The following CLYBL variants were observed in gnomAD, a reference collection of about 807,000 sequenced individuals.
CLYBL encodes citramalyl-CoA lyase.
In CLYBL, 31 loss-of-function variants were observed where a neutral mutation model predicts 38.9. The ratio of observed to expected loss-of-function variants is 0.80; its 90% confidence interval spans 0.60 to 1.08. The LOEUF is 1.08. CLYBL is among the 50% of genes least tolerant of loss of function. The pLI is 0.00. For missense variants in CLYBL, 434 were observed against 411.6 expected (o/e 1.05, Z -0.47); for synonymous variants, 171 against 158.6 (o/e 1.08, Z -0.59).
Position 99,772,817 on chromosome 13 carries a change from C to T in CLYBL, c.63-7C>T. On this transcript the variant is annotated splice_region_variant and splice_polypyrimidine_tract_variant and intron_variant, in intron 1 of 8. Transcript: ENST00000339105. The stretch of plus-strand genomic sequence containing the variant: ...TTCTGGACTAACCCCAATCACGTGT[C>T]TTGCAGGAAAGCGTCTCTAGCAGCT... 1.9e-6 allele frequency: 3 copies of T among 1,583,020 alleles called. No homozygotes were observed. The highest frequency in any genetic ancestry group is 1.7e-6 in the Non-Finnish European group (2 of 1,170,920).
chr13:99,731,300 G>T (rs1329101336), intron 1 of CLYBL, among the ~76,000 whole-genome samples: 3 of 150,184 alleles, frequency 2.0e-5, no homozygotes, highest in Non-Finnish European at 3.0e-5. Flanking sequence ...ACAAAGTCTA[G>T]TTGCAGAATA....
intron 1 of CLYBL, among the ~76,000 whole-genome samples, chr13:99,725,139 G>A (rs2048451682): frequency 2.6e-5 from 4 of 152,176 alleles, no homozygotes; most frequent in Admixed American, 2.6e-4. Flanking sequence ...TCTAAGCCTT[G>A]ACAAGCAGGG....
At chr13:99,879,609 T>C (rs890173554) in intron 7 of CLYBL, among the ~76,000 whole-genome samples, 2 of 152,238 alleles carry the variant, frequency 1.3e-5, no homozygotes, top group South Asian at 2.1e-4. Context: ...CTGAGTCTAG[T>C]TTCTTAAGGA....
chr13:99,645,869 C>T (rs1350842601), intron 1 of CLYBL, among the ~76,000 whole-genome samples: 3 of 152,142 alleles, frequency 2.0e-5, no homozygotes, highest in East Asian at 3.9e-4. Flanking sequence ...TTGCTTCGGT[C>T]GCCTGTGCTT....
intron 1 of CLYBL, among the ~76,000 whole-genome samples, chr13:99,714,573 C>T (rs867956453): frequency 1.2e-4 from 18 of 151,706 alleles, no homozygotes; most frequent in African/African-American, 3.6e-4. Context: ...GTGGAGACTG[C>T]GCCACTGCAC....
chr13:99,659,178 C>G (rs1418657667), intron 1 of CLYBL, among the ~76,000 whole-genome samples: 2 of 151,864 alleles, frequency 1.3e-5, no homozygotes, highest in African/African-American at 4.8e-5. Context: ...ATTAGTATTC[C>G]TCTTCTAAAT....
chr13:99,880,636 C>T lies in CLYBL; in HGVS notation c.927+9574C>T, dbSNP rs907080590. Among the ~76,000 whole-genome samples the T allele has an allele frequency of 1.1e-4, 16 of 152,320 alleles. No individual in the cohort carries two copies. In the South Asian group the frequency reaches 1.7e-3, roughly 16 times the overall value. On this transcript the variant is annotated intron_variant, in intron 7 of 8. Coordinates refer to ENST00000339105, the MANE Select transcript of CLYBL (RefSeq NM_206808.5). ...GCTTCATTCCCCTTCATTGCAGCCA[C>T]AGGCTACTGAGAGCCACAGCAGGCT...
chr13:99,778,521 T>C (rs2049570112), intron 2 of CLYBL, among the ~76,000 whole-genome samples: 1 of 152,166 alleles, frequency 6.6e-6, no homozygotes, highest in African/African-American at 2.4e-5. Flanking sequence ...ACAATAGGAG[T>C]TTCCACAAAG....
At chr13:99,671,662 C>G (rs1329038483) in intron 1 of CLYBL, among the ~76,000 whole-genome samples, 1 of 151,888 alleles carries the variant, frequency 6.6e-6, no homozygotes, top group Non-Finnish European at 1.5e-5. Context: ...TGCCTGTAAT[C>G]CCAGCTACTC....
chr13:99,770,082 T>TTC (rs1285148986), intron 1 of CLYBL, among the ~76,000 whole-genome samples: 57 of 131,310 alleles, frequency 4.3e-4, no homozygotes, highest in Middle Eastern at 3.6e-3. Flanking sequence ...TTTTCTTTCT[T>TTC]TTTTTTTTTT....
intron 1 of CLYBL, among the ~76,000 whole-genome samples, chr13:99,680,751 G>A (rs1371137748): frequency 6.6e-6 from 1 of 152,178 alleles, no homozygotes; most frequent in Non-Finnish European, 1.5e-5. Context: ...CTCTTTCTGT[G>A]TAGTAGCAGA....
intron 2 of CLYBL, among the ~76,000 whole-genome samples, chr13:99,844,481 GCACACCATT>G (rs2051153532): frequency 6.6e-6 from 1 of 152,196 alleles, no homozygotes; most frequent in South Asian, 2.1e-4. Context: ...CCTGGTGTTG[GCACACCATT>G]GGGACACCAT....
chr13:99,802,264 T>A (rs1008908989), intron 2 of CLYBL, among the ~76,000 whole-genome samples: 1 of 152,108 alleles, frequency 6.6e-6, no homozygotes, highest in African/African-American at 2.4e-5. Context: ...AAGAAAGAAA[T>A]CATCCCCATC....
At chr13:99,872,956 T>TAAAAAAA (rs1261958787) in intron 7 of CLYBL, among the ~76,000 whole-genome samples, 4 of 145,320 alleles carry the variant, frequency 2.8e-5, no homozygotes, top group Non-Finnish European at 4.5e-5. Flanking sequence ...TTTTTTTTTT[T>TAAAAAAA]AAATAAGAAA....
intron 1 of CLYBL, among the ~76,000 whole-genome samples, chr13:99,761,113 G>C (rs2049156753): frequency 6.6e-6 from 1 of 152,184 alleles, no homozygotes; most frequent in African/African-American, 2.4e-5. Context: ...CAGCACTTTG[G>C]GAGGCCGAGG....
chr13:99,621,773 T>C (rs966227402), intron 1 of CLYBL, among the ~76,000 whole-genome samples: 1 of 150,386 alleles, frequency 6.6e-6, no homozygotes, highest in Non-Finnish European at 1.5e-5. Context: ...TTTTTTCCCT[T>C]TAGCTTATCA....
At chr13:99,814,358 C>T (rs1026767730) in intron 2 of CLYBL, among the ~76,000 whole-genome samples, 32 of 152,156 alleles carry the variant, frequency 2.1e-4, no homozygotes, top group African/African-American at 6.0e-4. Context: ...AGACTGAATT[C>T]AGGGCATGGG....
chr13:99,629,068 G>A (rs755995281), intron 1 of CLYBL, among the ~76,000 whole-genome samples: 2 of 152,244 alleles, frequency 1.3e-5, no homozygotes, highest in African/African-American at 4.8e-5. Context: ...TGGGGCAGGC[G>A]TGTGTGACAG....
At chr13:99,693,298 CAA>C (rs1399940889) in intron 1 of CLYBL, among the ~76,000 whole-genome samples, 3 of 152,166 alleles carry the variant, frequency 2.0e-5, no homozygotes, top group Non-Finnish European at 4.4e-5. Context: ...CACCAAGGCA[CAA>C]AGTAGGTTCT....
Sources: gnomAD v4.1 joint callset for allele counts (sites outside exome capture counted in the v4.1 genomes callset) on GRCh38, gnomAD v4.1.1 for gene constraint, MANE v1.5 for transcripts, NCBI Gene and HGNC (gene_info 2026-07-23, HGNC 2026-07-21) for gene names.